COP1: variants seen among roughly 807,000 people sequenced by gnomAD.
The protein encoded by COP1 is COP1 E3 ubiquitin ligase, also known as E3 ubiquitin-protein ligase COP1.
Under a neutral mutation model 101.3 loss-of-function variants are expected in COP1, and 24 were observed. The ratio of observed to expected loss-of-function variants is 0.24; its 90% CI spans 0.17 to 0.33. The LOEUF (loss-of-function observed/expected upper bound fraction) is 0.33, where lower values mean the gene tolerates loss of function less well. COP1 is among the 10% of genes least tolerant of loss of function. COP1 has a pLI of 1.00. For missense variants in COP1, 663 were observed against 906.2 expected (o/e 0.73, Z 3.45); for synonymous variants, 347 against 341.9 (o/e 1.01, Z -0.17).
chr1:176,159,622 AAAAT>A (rs1002337142), intron 5 of COP1, among the ~76,000 whole-genome samples: 16 of 152,194 alleles, frequency 1.1e-4, no homozygotes, highest in East Asian at 1.9e-4. Context: ...ATAAGAATTT[AAAAT>A]AAATAAACCA....
intron 9 of COP1, among the ~76,000 whole-genome samples, chr1:176,087,956 C>A (rs954899172): frequency 5.3e-5 from 8 of 152,020 alleles, no homozygotes; most frequent in Non-Finnish European, 1.2e-4. Flanking sequence ...TCCTTTGTAG[C>A]GACATGGATG....
chr1:176,142,605 AG>A (rs1217018376), intron 6 of COP1, among the ~76,000 whole-genome samples: 3 of 152,112 alleles, frequency 2.0e-5, no homozygotes, highest in African/African-American at 7.2e-5. Flanking sequence ...ATTCTTTTCA[AG>A]CACAAGTATT....
intron 15 of COP1, among the ~76,000 whole-genome samples, chr1:176,012,493 A>C (rs1052008382): frequency 6.6e-6 from 1 of 152,236 alleles, no homozygotes; most frequent in African/African-American, 2.4e-5. Flanking sequence ...AAAAAATTAC[A>C]TTAAGCTAAG....
chr1:176,094,686 A>C (rs936709609), intron 9 of COP1, among the ~76,000 whole-genome samples: 3 of 151,940 alleles, frequency 2.0e-5, no homozygotes, highest in African/African-American at 7.2e-5. Context: ...AAAAAAAAAA[A>C]AGTCCTCAAA....
chr1:176,113,747 A>C (rs913830432), intron 9 of COP1, among the ~76,000 whole-genome samples: 1 of 152,196 alleles, frequency 6.6e-6, no homozygotes, highest in Non-Finnish European at 1.5e-5. Context: ...TAAAGGATTA[A>C]GGCACTTGTT....
chr1:175,977,695 G>A (rs113374888), intron 18 of COP1, among the ~76,000 whole-genome samples: 1,976 of 152,100 alleles, frequency 0.013, 36 homozygotes, highest in Non-Finnish European at 0.015. Context: ...CAGACAATCT[G>A]TATATTCTTA....
chr1:176,177,142 T>G (rs1245015477), intron 2 of COP1, among the ~76,000 whole-genome samples: 1 of 152,014 alleles, frequency 6.6e-6, no homozygotes, highest in Non-Finnish European at 1.5e-5. Flanking sequence ...CCAATACAAA[T>G]TATTGTAATT....
chr1:176,092,744 C>G (rs780342756), intron 9 of COP1, among the ~76,000 whole-genome samples: 1 of 152,162 alleles, frequency 6.6e-6, no homozygotes, highest in Non-Finnish European at 1.5e-5. Context: ...CTCATACACT[C>G]ATGTAGTGGG....
intron 18 of COP1, among the ~76,000 whole-genome samples, chr1:175,980,098 T>C (rs1341137014): frequency 6.6e-6 from 1 of 152,118 alleles, no homozygotes; most frequent in Non-Finnish European, 1.5e-5. Context: ...AAGTGGCTAT[T>C]ATTATGGGCA....
intron 11 of COP1, among the ~76,000 whole-genome samples, chr1:176,049,222 A>C (rs1672109441): frequency 6.6e-6 from 1 of 151,402 alleles, no homozygotes. Context: ...ATGATGACCT[A>C]AATATGTCTA....
intron 18 of COP1, among the ~76,000 whole-genome samples, chr1:175,956,741 T>C (rs1385825362): frequency 6.6e-6 from 1 of 152,196 alleles, no homozygotes; most frequent in African/African-American, 2.4e-5. Context: ...ACTATACTTC[T>C]TAATCATTAA....
At position 176,162,968 on chromosome 1, in the gene COP1, T is replaced by C. The variant is rs766427656; in HGVS notation, c.663A>G (p.Ile221Met). ...VSSTNGHRWQ[I>M]FQDWLGTDQD... ...GGTCAGTTCCCAACCAATCTTGAAATATCTGCCACCTGTGGCCATTCTAAA... is the reference window on the plus strand; with the variant it reads ...GGTCAGTTCCCAACCAATCTTGAAACATCTGCCACCTGTGGCCATTCTAAA... Residue 221 changes from isoleucine (I) to methionine (M), a missense_variant, in exon 5 of 20, where the codon ATA becomes ATG. Transcript: ENST00000367669. 6 of 1,605,494 alleles carry C rather than the reference T, an allele frequency of 3.7e-6. No individual in the cohort carries two copies. In the African/African-American group the frequency reaches 8.0e-5, roughly 21 times the overall value.
chr1:176,197,408 C>A (rs1281611444), intron 1 of COP1, among the ~76,000 whole-genome samples: 1 of 152,022 alleles, frequency 6.6e-6, no homozygotes, highest in East Asian at 1.9e-4. Context: ...ACAGCAAGAC[C>A]ACCTCTTTTG....
At position 176,206,905 on chromosome 1, in the gene COP1, G is replaced by A; in HGVS notation, c.74C>T (p.Thr25Ile). Reference sequence around the variant, plus strand: ...AGAGGATAAAGACGAGGAGGCGGAAGTCACCGAGGAGGCCGCCGAGGACCC... The same window carrying A: ...AGAGGATAAAGACGAGGAGGCGGAAATCACCGAGGAGGCCGCCGAGGACCC... ...SPGSSAASSV[T>I]SASSSLSSSP... is the part of the protein sequence containing the mutation. The change falls in exon 1 of 20, where the codon ACT (threonine) becomes ATT (isoleucine). Residue 25 changes from threonine (T) to isoleucine (I), a missense_variant. Thr to Ile is a moderately conservative substitution (Grantham distance 89). Transcript: ENST00000367669. The A allele has an allele frequency of 2.7e-6, 4 of 1,466,460 alleles. No homozygotes were observed. The highest frequency in any genetic ancestry group is 9.0e-7 in the Non-Finnish European group (1 of 1,114,802). 90.8% of individuals were successfully genotyped at this position (1,466,460 alleles called of 1,614,324 possible).
At chr1:176,164,955 T>C (rs1283134665) in intron 3 of COP1, among the ~76,000 whole-genome samples, 3 of 152,156 alleles carry the variant, frequency 2.0e-5, no homozygotes, top group Admixed American at 2.0e-4. Flanking sequence ...AGAGCATAAG[T>C]AACTTATGCA....
chr1:176,165,843 T>C (rs536173568), intron 3 of COP1, among the ~76,000 whole-genome samples: 1 of 152,196 alleles, frequency 6.6e-6, no homozygotes, highest in Non-Finnish European at 1.5e-5. Flanking sequence ...TGCAGATACC[T>C]TACACAAGAA....
At chr1:176,134,667 T>C (rs1402791147) in intron 8 of COP1, among the ~76,000 whole-genome samples, 1 of 152,042 alleles carries the variant, frequency 6.6e-6, no homozygotes, top group East Asian at 1.9e-4. Context: ...TTATCACATT[T>C]TTCCCTAATA....
intron 11 of COP1, among the ~76,000 whole-genome samples, chr1:176,061,029 C>T (rs1008171198): frequency 1.4e-4 from 21 of 152,076 alleles, no homozygotes; most frequent in African/African-American, 4.6e-4. Flanking sequence ...GTAACAAAGA[C>T]GGAGAACTTA....
At chr1:176,004,004 G>C (rs1163936924) in intron 15 of COP1, among the ~76,000 whole-genome samples, 2 of 148,714 alleles carry the variant, frequency 1.3e-5, no homozygotes, top group East Asian at 2.0e-4. Flanking sequence ...TCTTCCATTT[G>C]TTTGTATCCT....
Sources: allele counts gnomAD v4.1 joint callset (sites outside exome capture counted in the v4.1 genomes callset), GRCh38; gene constraint gnomAD v4.1.1; transcripts MANE v1.5; gene names NCBI Gene and HGNC (gene_info 2026-07-23, HGNC 2026-07-21).